SEMA6D: variants seen among roughly 807,000 people sequenced by gnomAD.
The protein encoded by SEMA6D is semaphorin 6D, also known as semaphorin-6D.
SEMA6D carries 35 observed loss-of-function variants against 106.6 expected under a neutral mutation model. That is an observed-to-expected ratio of 0.33 (90% CI 0.25 to 0.44). The LOEUF is 0.44. Among genes scored for constraint, SEMA6D ranks in the 20% least tolerant of loss-of-function variants. The probability of loss-of-function intolerance (pLI) is 1.00; values close to 1 mark genes in which losing one functional copy is unlikely to be tolerated. For missense variants in SEMA6D, 1,185 were observed against 1,345.9 expected (o/e 0.88, Z 1.87); for synonymous variants, 499 against 487.7 (o/e 1.02, Z -0.31).
At chr15:47,468,653 A>G (rs2042733704) in intron 2 of SEMA6D, among the ~76,000 whole-genome samples, 1 of 152,132 alleles carries the variant, frequency 6.6e-6, no homozygotes, top group African/African-American at 2.4e-5. Flanking sequence ...TATTTTACAT[A>G]TTTTGCTGTT....
intron 1 of SEMA6D, among the ~76,000 whole-genome samples, chr15:47,403,824 C>T (rs530291006): frequency 1.8e-3 from 278 of 152,176 alleles, no homozygotes; most frequent in African/African-American, 6.6e-3. Context: ...TACTGAGGTG[C>T]CCATTTTATC....
chr15:47,753,033 A>G (rs1482931686), intron 1 of SEMA6D, among the ~76,000 whole-genome samples: 1 of 151,750 alleles, frequency 6.6e-6, no homozygotes, highest in African/African-American at 2.4e-5. Context: ...CACATGGGAA[A>G]GAGTTGATGT....
At chr15:47,225,005 T>A (rs1358089314) in intron 1 of SEMA6D, among the ~76,000 whole-genome samples, 1 of 151,938 alleles carries the variant, frequency 6.6e-6, no homozygotes, top group Non-Finnish European at 1.5e-5. Context: ...TTCCTCCCTG[T>A]TGCACCCTGG....
At chr15:47,533,773 A>T (rs375774773) in intron 3 of SEMA6D, among the ~76,000 whole-genome samples, 1 of 152,168 alleles carries the variant, frequency 6.6e-6, no homozygotes, top group Non-Finnish European at 1.5e-5. Context: ...TCTTAGATGG[A>T]TGGAGGATGG....
chr15:47,719,009 G>C (rs1304436049), intron 1 of SEMA6D: 2 of 152,264 alleles, frequency 1.3e-5, no homozygotes, highest in African/African-American at 4.8e-5. Context: ...TTCTTGGATT[G>C]AAATGAAAGG....
chr15:47,319,220 T>C (rs1016708425), intron 1 of SEMA6D, among the ~76,000 whole-genome samples: 1 of 152,224 alleles, frequency 6.6e-6, no homozygotes, highest in Non-Finnish European at 1.5e-5. Flanking sequence ...GTTGTCTACT[T>C]TATTCATTGA....
intron 1 of SEMA6D, among the ~76,000 whole-genome samples, chr15:47,747,776 A>T (rs565028620): frequency 2.0e-5 from 3 of 152,292 alleles, no homozygotes; most frequent in South Asian, 2.1e-4. Context: ...GTTTCTGGTT[A>T]TGGTATGTTC....
chr15:47,574,779 C>G (rs974967748), intron 3 of SEMA6D, among the ~76,000 whole-genome samples: 2 of 152,190 alleles, frequency 1.3e-5, no homozygotes, highest in African/African-American at 4.8e-5. Flanking sequence ...ACTAAGATCT[C>G]AGTTCTTTTG....
intron 3 of SEMA6D, among the ~76,000 whole-genome samples, chr15:47,489,567 C>G (rs2043403697): frequency 6.6e-6 from 1 of 152,164 alleles, no homozygotes; most frequent in East Asian, 1.9e-4. Flanking sequence ...TGCATCTCCT[C>G]TCAGGTGACA....
chr15:47,565,524 C>T (rs1053661461), intron 3 of SEMA6D, among the ~76,000 whole-genome samples: 6 of 152,220 alleles, frequency 3.9e-5, no homozygotes, highest in African/African-American at 1.4e-4. Flanking sequence ...TATCCTTCTT[C>T]AATACTATTG....
At chr15:47,353,831 A>G (rs898254573) in intron 1 of SEMA6D, among the ~76,000 whole-genome samples, 1 of 152,146 alleles carries the variant, frequency 6.6e-6, no homozygotes, top group Admixed American at 6.5e-5. Context: ...TGTATAAAAC[A>G]CTGGGTAAGG....
In SEMA6D at chr15:47,210,654, A is replaced by G. The variant is rs1019073381; in HGVS notation, c.-239+26236A>G. On this transcript the variant is annotated intron_variant, in intron 1 of 19. Coordinates refer to the SEMA6D transcript ENST00000558014. ...GTGGCACATGCCTATAGTCCCAGCT[A>G]CTGGGAAGGCTGAGACAGCAGAATC... is the stretch of plus-strand genomic sequence containing the variant. Among the ~76,000 whole-genome samples, 3 of 151,376 alleles carry G rather than the reference A, an allele frequency of 2.0e-5. No homozygotes were observed. In the Admixed American group the frequency reaches 2.0e-4, roughly 10 times the overall value.
chr15:47,770,261 G>T (rs1434822983), intron 18 of SEMA6D, among the ~76,000 whole-genome samples: 1 of 152,094 alleles, frequency 6.6e-6, no homozygotes, highest in Non-Finnish European at 1.5e-5. Flanking sequence ...AAGAACAGAA[G>T]AATACAGATC....
Position 47,683,987 on chromosome 15 carries a change from A to G in SEMA6D, c.-54-75758A>G, listed in dbSNP as rs184716324. Among the ~76,000 whole-genome samples, 511 of 152,352 alleles carry G rather than the reference A, an allele frequency of 3.4e-3. 5 individuals are homozygous for G. The highest frequency in any genetic ancestry group is 0.024 in the Middle Eastern group (7 of 294). On this transcript the variant is annotated intron_variant, in intron 4 of 19. Transcript: ENST00000558014. ...AGATAATAAAGAGGCAGGATTCTTTAAAGGATGGATTATGTTTTGTATCAA... is the reference window on the plus strand; with the variant it reads ...AGATAATAAAGAGGCAGGATTCTTTGAAGGATGGATTATGTTTTGTATCAA...
intron 1 of SEMA6D, among the ~76,000 whole-genome samples, chr15:47,247,295 C>T (rs1255786894): frequency 6.6e-6 from 1 of 152,112 alleles, no homozygotes; most frequent in Non-Finnish European, 1.5e-5. Flanking sequence ...TTAAATTCAT[C>T]TGAATCCTGA....
chr15:47,312,295 T>G (rs2143097763), intron 1 of SEMA6D, among the ~76,000 whole-genome samples: 1 of 152,324 alleles, frequency 6.6e-6, no homozygotes, highest in Middle Eastern at 3.4e-3. Flanking sequence ...AACAGTGTTC[T>G]CACTCTGATA....
chr15:47,241,208 C>T (rs1290607833), intron 1 of SEMA6D: 1 of 152,156 alleles, frequency 6.6e-6, no homozygotes, highest in African/African-American at 2.4e-5. Flanking sequence ...TTCCCACTTA[C>T]TATTCAATAT....
chr15:47,205,563 T>G (rs367618844), intron 1 of SEMA6D, among the ~76,000 whole-genome samples: 1 of 152,162 alleles, frequency 6.6e-6, no homozygotes, highest in East Asian at 1.9e-4. Flanking sequence ...AAATATTATA[T>G]TATAAAAATG....
At chr15:47,751,050 T>C (rs1018983542) in intron 1 of SEMA6D, among the ~76,000 whole-genome samples, 1 of 152,162 alleles carries the variant, frequency 6.6e-6, no homozygotes, top group Non-Finnish European at 1.5e-5. Context: ...CTGGAATCTG[T>C]ATATATAGTG....
Sources: allele counts gnomAD v4.1 joint callset (sites outside exome capture counted in the v4.1 genomes callset), GRCh38; gene constraint gnomAD v4.1.1; transcripts MANE v1.5; gene names NCBI Gene and HGNC (gene_info 2026-07-23, HGNC 2026-07-21).